BMERB1: variants seen among roughly 807,000 people sequenced by gnomAD.
The protein encoded by BMERB1 is bMERB domain-containing protein 1.
A neutral mutation model predicts 23.6 loss-of-function variants in BMERB1; 12 were observed. The observed-to-expected ratio is 0.51, with a 90% confidence interval of 0.33 to 0.82. BMERB1 has a LOEUF of 0.82. Among genes scored for constraint, BMERB1 ranks in the 40% least tolerant of loss-of-function variants. The pLI, the probability that BMERB1 is intolerant of heterozygous loss-of-function variation, is 0.03. For synonymous variants in BMERB1, 122 were observed against 96.6 expected (o/e 1.26, Z -1.54); for missense variants, 247 against 255.4 (o/e 0.97, Z 0.22).
intron 1 of BMERB1, among the ~76,000 whole-genome samples, chr16:15,471,953 T>C (rs2051232695): frequency 6.6e-6 from 1 of 152,246 alleles, no homozygotes; most frequent in South Asian, 2.1e-4. Flanking sequence ...TGTTTTGATA[T>C]GTTGTATTTT....
intron 3 of BMERB1, among the ~76,000 whole-genome samples, chr16:15,574,667 C>G (rs1176410389): frequency 6.6e-6 from 1 of 151,982 alleles, no homozygotes; most frequent in East Asian, 1.9e-4. Context: ...ATTGAGATTA[C>G]ATATCAATTT....
intron 2 of BMERB1, among the ~76,000 whole-genome samples, chr16:15,530,653 A>G (rs970053820): frequency 6.6e-6 from 1 of 152,076 alleles, no homozygotes; most frequent in African/African-American, 2.4e-5. Flanking sequence ...TAATCCCATA[A>G]TCCCCATATG....
chr16:15,471,038 T>C (rs2051225131), intron 1 of BMERB1, among the ~76,000 whole-genome samples: 1 of 151,558 alleles, frequency 6.6e-6, no homozygotes, highest in African/African-American at 2.4e-5. Flanking sequence ...GGTTTCACGA[T>C]GTTGCCCAAG....
intron 1 of BMERB1, among the ~76,000 whole-genome samples, chr16:15,507,301 G>C (rs2051602458): frequency 6.6e-6 from 1 of 152,166 alleles, no homozygotes; most frequent in Admixed American, 6.6e-5. Context: ...TTTGTTTTGA[G>C]ATCAGTGATT....
chr16:15,573,419 G>A (rs868439364), intron 3 of BMERB1, among the ~76,000 whole-genome samples: 5 of 152,218 alleles, frequency 3.3e-5, no homozygotes, highest in South Asian at 2.1e-4. Flanking sequence ...TTTTAAAGAC[G>A]ATTTGGTGGA....
intron 1 of BMERB1, among the ~76,000 whole-genome samples, chr16:15,443,023 G>T (rs1044837060): frequency 5.3e-5 from 8 of 151,608 alleles, no homozygotes; most frequent in Admixed American, 6.6e-5. Context: ...CGAGGCTGGT[G>T]GATCACTTAA....
chr16:15,552,182 G>A (rs901784807), intron 2 of BMERB1, among the ~76,000 whole-genome samples: 7 of 152,116 alleles, frequency 4.6e-5, no homozygotes, highest in Non-Finnish European at 1.0e-4. Context: ...GCTCACACCT[G>A]TAATCCCAGC....
In BMERB1 at chr16:15,529,901, C is replaced by T. The variant is rs111750411; in HGVS notation, c.230+14473C>T. ...CAGCTGCAAATGTGTTAAAACAACA[C>T]ACATTTCTTTTATCTTACAGTTCTG... On this transcript the variant is annotated intron_variant, in intron 2 of 5. Coordinates refer to ENST00000300006, the MANE Select transcript of BMERB1 (RefSeq NM_033201.3). Among the ~76,000 whole-genome samples, 931 of 152,276 alleles carry T rather than the reference C, an allele frequency of 6.1e-3. 10 individuals carry two copies. The highest frequency in any genetic ancestry group is 0.021 in the African/African-American group (874 of 41,550).
At chr16:15,552,428 A>G (rs1252047375) in intron 2 of BMERB1, among the ~76,000 whole-genome samples, 1 of 151,868 alleles carries the variant, frequency 6.6e-6, no homozygotes, top group Non-Finnish European at 1.5e-5. Flanking sequence ...CGACAGAACG[A>G]GACTCCATCT....
At chr16:15,460,101 A>T (rs2051122106) in intron 1 of BMERB1, among the ~76,000 whole-genome samples, 1 of 152,196 alleles carries the variant, frequency 6.6e-6, no homozygotes. Context: ...CTGATGTGAC[A>T]GGAAGCCTTA....
At chr16:15,502,356 G>C in intron 1 of BMERB1, 1 of 1,551,104 alleles carries the variant, frequency 6.4e-7, no homozygotes, top group Non-Finnish European at 8.7e-7. Context: ...GGATGTATGG[G>C]ACGGCGGAGT....
chr16:15,467,630 C>T (rs1409674802), intron 1 of BMERB1, among the ~76,000 whole-genome samples: 1 of 152,062 alleles, frequency 6.6e-6, no homozygotes, highest in Non-Finnish European at 1.5e-5. Context: ...CAAATATTTC[C>T]TCCTAGTCCG....
At chr16:15,521,643 C>T (rs1474740942) in intron 2 of BMERB1, among the ~76,000 whole-genome samples, 1 of 152,152 alleles carries the variant, frequency 6.6e-6, no homozygotes, top group African/African-American at 2.4e-5. Flanking sequence ...TGTGTGTTCC[C>T]TTGCTGACTT....
intron 1 of BMERB1, among the ~76,000 whole-genome samples, chr16:15,505,607 C>G (rs1335657044): frequency 6.6e-6 from 1 of 151,994 alleles, no homozygotes; most frequent in Non-Finnish European, 1.5e-5. Flanking sequence ...AAGTCAATGT[C>G]GGCCAAGCGC....
intron 2 of BMERB1, among the ~76,000 whole-genome samples, chr16:15,536,209 A>T (rs2052022996): frequency 6.6e-6 from 1 of 152,106 alleles, no homozygotes; most frequent in African/African-American, 2.4e-5. Flanking sequence ...AGGTGATCTG[A>T]CAGAGGGGCC....
chr16:15,489,767 T>C (rs577362024), intron 1 of BMERB1, among the ~76,000 whole-genome samples: 30 of 152,262 alleles, frequency 2.0e-4, no homozygotes, highest in African/African-American at 6.7e-4. Flanking sequence ...AGTCTAACTT[T>C]TTCTATCTTC....
At chr16:15,466,607 A>G (rs754744642) in intron 1 of BMERB1, among the ~76,000 whole-genome samples, 2 of 152,000 alleles carry the variant, frequency 1.3e-5, no homozygotes, top group Non-Finnish European at 2.9e-5. Flanking sequence ...CCTTTCACCC[A>G]TTTTACCCCA....
intron 3 of BMERB1, among the ~76,000 whole-genome samples, chr16:15,580,392 C>A (rs2030977431): frequency 6.6e-6 from 1 of 152,056 alleles, no homozygotes; most frequent in African/African-American, 2.4e-5. Flanking sequence ...GTGGCAGGCA[C>A]TATGCCCAGC....
chr16:15,466,592 G>A (rs1303830471), intron 1 of BMERB1, among the ~76,000 whole-genome samples: 2 of 152,064 alleles, frequency 1.3e-5, no homozygotes, highest in African/African-American at 2.4e-5. Context: ...AGAGATCTAT[G>A]TATGCCTTTC....
Sources: allele counts gnomAD v4.1 joint callset (sites outside exome capture counted in the v4.1 genomes callset), GRCh38; gene constraint gnomAD v4.1.1; transcripts MANE v1.5; gene names NCBI Gene and HGNC (gene_info 2026-07-23, HGNC 2026-07-21).